The following RARG variants were observed in gnomAD, a reference collection of about 807,000 sequenced individuals.
RARG encodes the protein retinoic acid receptor gamma, also known as RAR-gamma.
In RARG, 17 loss-of-function variants were observed where a neutral mutation model predicts 43.7. That is an observed-to-expected ratio of 0.39 (90% confidence interval 0.27 to 0.58). The LOEUF is 0.58. Ranked by LOEUF, RARG falls within the 20% of genes least tolerant of loss-of-function variation. The probability of loss-of-function intolerance (pLI) is 0.57; values close to 1 mark genes in which losing one functional copy is unlikely to be tolerated. For missense variants in RARG, 346 were observed against 598.7 expected (o/e 0.58, Z 4.40); for synonymous variants, 238 against 236.4 (o/e 1.01, Z -0.06).
intron 2 of RARG, among the ~76,000 whole-genome samples, chr12:53,228,244 T>C (rs1441720989): frequency 6.6e-6 from 1 of 152,202 alleles, no homozygotes; most frequent in Non-Finnish European, 1.5e-5. Flanking sequence ...CTACCTGGAC[T>C]GTACCCCACC....
chr12:53,221,076 G>C (rs1942945786), intron 3 of RARG, among the ~76,000 whole-genome samples: 1 of 151,898 alleles, frequency 6.6e-6, no homozygotes, highest in African/African-American at 2.4e-5. Context: ...ACCCCCCTCG[G>C]GGCGGGTGGC....
Position 53,213,026 on chromosome 12 carries a change from C to A in RARG, c.1177+59G>T. ...TCTTGTCTCTGTGTGTCCTCCTGTC[C>A]GACCTGGGAGACCAACAGCCCTGGG... On this transcript the variant is annotated intron_variant, in intron 9 of 9. Coordinates refer to ENST00000425354, the MANE Select transcript of RARG (RefSeq NM_000966.6). The surrounding 1 kb of genome is among the most constrained non-coding windows in gnomAD (Gnocchi z 4.7). 6.5e-7 allele frequency: 1 copy of A among 1,527,806 alleles called. No individual in the cohort carries two copies. The allele number at this position is 1,527,806 out of a possible 1,614,324, so 94.6% of individuals were successfully genotyped here.
chr12:53,215,670 C>T lies in RARG; in HGVS notation c.309G>A (p.Gly103=), dbSNP rs758031463. The change falls in exon 4 of 10, where the codon GGG becomes GGA. Residue 103 remains glycine (G), a synonymous_variant. Coordinates refer to ENST00000425354, the MANE Select transcript of RARG (RefSeq NM_000966.6). The surrounding 1 kb of genome is among the most constrained non-coding windows in gnomAD (Gnocchi z 6.4). ...CCTTGCAGCCTTCACAAGAGCTGAC[C>T]CCATAGTGGTAGCCAGAGGACTTGT... ...CNDKSSGYHY[G]VSSCEGCKGF... is the part of the protein sequence containing the mutation. The T allele has an allele frequency of 6.2e-7, 1 of 1,613,596 alleles. No individual in the cohort carries two copies. Among genetic ancestry groups the T allele is most frequent in the Non-Finnish European group, 8.5e-7 (1 of 1,179,858 alleles).
In RARG at chr12:53,213,150, C is replaced by G; in HGVS notation, c.1112G>C (p.Ser371Thr). ...CATCCTTGGGAACATGTAGGGCTGG[C>G]TGGGCCGCCGGCGCCGGGCGTACAG... ...LRLYARRRRP[S>T]QPYMFPRMLM... is the part of the protein sequence containing the mutation. Residue 371 changes from serine (S) to threonine (T), a missense_variant, in exon 9 of 10, where the codon AGC (serine) becomes ACC (threonine). By Grantham distance (58) the Ser-to-Thr change is moderately conservative. Coordinates refer to ENST00000425354, the MANE Select transcript of RARG (RefSeq NM_000966.6). The surrounding 1 kb of genome is among the most constrained non-coding windows in gnomAD (Gnocchi z 4.7). The G allele has an allele frequency of 1.2e-6, 2 of 1,614,172 alleles. No homozygotes were observed. Among genetic ancestry groups the G allele is most frequent in the Non-Finnish European group, 1.7e-6 (2 of 1,180,000 alleles).
At position 53,214,419 on chromosome 12, in the gene RARG, C is replaced by T. The variant is rs1942699168; in HGVS notation, c.636+27G>A. 7 of 1,601,498 alleles carry T rather than the reference C, an allele frequency of 4.4e-6. No homozygotes were observed. In the Admixed American group the frequency reaches 6.7e-5, roughly 15 times the overall value. On this transcript the variant is annotated intron_variant, in intron 6 of 9. Transcript: ENST00000425354. ...TTCCCCAAAGTGAAGAGTGCCCTGC[C>T]CTCACTGGGCTCTGCCCATTCCTCA...
chr12:53,212,963 G>T, intron 9 of RARG, 122 bp downstream of exon 9: 1 of 1,218,670 alleles, frequency 8.2e-7, no homozygotes, highest in Non-Finnish European at 1.1e-6. Context: ...GCAGAGCTAG[G>T]ATTCCAGTGT....
chr12:53,226,802 G>T (rs542633164), intron 3 of RARG, among the ~76,000 whole-genome samples: 28 of 151,372 alleles, frequency 1.8e-4, no homozygotes, highest in African/African-American at 6.8e-4. Context: ...AACAGAGGGG[G>T]AGTTTCACCA....
chr12:53,222,233 G>GAGAAATAAAGAAAA (rs1555181725), intron 3 of RARG, among the ~76,000 whole-genome samples: 1 of 149,686 alleles, frequency 6.7e-6, no homozygotes, highest in Non-Finnish European at 1.5e-5. Flanking sequence ...AAGAAAGAGA[G>GAGAAATAAAGAAAA]AGAAAGAAAA....
chr12:53,214,245 G>A lies in RARG; in HGVS notation c.637-10C>T, dbSNP rs1158397700. Reference sequence around the variant, plus strand: ...GGTCTGCACTGGAGTTCTGCAGAGGGGAGGGGTAGAAGGTTGGAAGGCAAG... The same window carrying A: ...GGTCTGCACTGGAGTTCTGCAGAGGAGAGGGGTAGAAGGTTGGAAGGCAAG... On this transcript the variant is annotated splice_polypyrimidine_tract_variant and intron_variant, in intron 6 of 9. Coordinates refer to ENST00000425354, the MANE Select transcript of RARG (RefSeq NM_000966.6). 3 of 1,610,542 alleles carry A rather than the reference G, an allele frequency of 1.9e-6. No homozygotes were observed. The highest frequency in any genetic ancestry group is 1.1e-5 in the South Asian group (1 of 90,996).
chr12:53,228,493 C>A (rs1460124986), intron 2 of RARG, among the ~76,000 whole-genome samples: 1 of 152,142 alleles, frequency 6.6e-6, no homozygotes, highest in East Asian at 1.9e-4. Context: ...GTAAGCACTT[C>A]CCTCTCTGTT....
intron 3 of RARG, chr12:53,220,538 T>C: frequency 3.4e-6 from 1 of 297,168 alleles, no homozygotes; most frequent in Admixed American, 5.0e-5. Context: ...TGCATTTATC[T>C]TATCAGGCAC....
rs1233285796 is a variant in RARG, at chr12:53,214,613, G to A, written c.476-7C>T. ...TTCCGGTCATTTCGCACAGCTTGTG[G>A]GTGGAGGCGCAAGGAGAGGGTCAGG... On this transcript the variant is annotated splice_region_variant and splice_polypyrimidine_tract_variant and intron_variant, in intron 5 of 9. Coordinates refer to ENST00000425354, the MANE Select transcript of RARG (RefSeq NM_000966.6). The A allele has an allele frequency of 6.3e-7, 1 of 1,595,698 alleles. No homozygotes were observed. The highest frequency in any genetic ancestry group is 8.6e-7 in the Non-Finnish European group (1 of 1,165,358).
chr12:53,221,170 C>T lies in RARG; in HGVS notation c.185-5376G>A, dbSNP rs184985712. Among the ~76,000 whole-genome samples, 17 of 151,240 alleles carry T rather than the reference C, an allele frequency of 1.1e-4. No individual in the cohort carries two copies. The East Asian group carries it at 2.9e-3, about 26-fold the overall frequency. ...GCGCTGCCGCGGAGTCCCCCCGCCC[C>T]CTCCAGCGCAGCCAGAGTCTACCCC... On this transcript the variant is annotated intron_variant, in intron 3 of 9. Coordinates refer to ENST00000425354, the MANE Select transcript of RARG (RefSeq NM_000966.6).
chr12:53,227,782 G>T lies in RARG; in HGVS notation c.-142-95C>A. 1 of 941,550 alleles carries T rather than the reference G, an allele frequency of 1.1e-6. No individual in the cohort carries two copies. Among genetic ancestry groups the T allele is most frequent in the Non-Finnish European group, 1.4e-6 (1 of 715,976 alleles). 58.3% of individuals were successfully genotyped at this position (941,550 alleles called of 1,614,324 possible). On this transcript the variant is annotated intron_variant, in intron 2 of 9. Transcript: ENST00000425354. This position sits in a 1 kb window ranked among gnomAD's most constrained non-coding sequence, Gnocchi z 4.3. ...CTCTCAGTTGCAGTCTTCTCCCTCT[G>T]TGCTGCTACAGTTTATCCTGCCCTG... is the stretch of plus-strand genomic sequence containing the variant.
In RARG at chr12:53,215,338, A is replaced by G. The variant is rs763146108; in HGVS notation, c.430T>C (p.Tyr144His). 1.9e-6 allele frequency: 3 copies of G among 1,614,106 alleles called. No individual in the cohort carries two copies. Among genetic ancestry groups the G allele is most frequent in the Non-Finnish European group, 2.5e-6 (3 of 1,180,004 alleles). ...TCGAAGCACTTCTGTAGCCGGCAGTACTGGCAGCGATTCCTGGTCACCTTG... is the reference window on the plus strand; with the variant it reads ...TCGAAGCACTTCTGTAGCCGGCAGTGCTGGCAGCGATTCCTGGTCACCTTG... ...INKVTRNRCQ[Y>H]CRLQKCFEVG... The change falls in exon 5 of 10, where the codon TAC (tyrosine) becomes CAC (histidine). Residue 144 changes from tyrosine to histidine, a missense_variant. Physicochemically the swap from Tyr to His is moderately conservative, Grantham distance 83 (BLOSUM62 2). This residue lies in a region of RARG where 50 missense variants were observed against 117.7 expected (regional missense o/e 0.42). Coordinates refer to ENST00000425354, the MANE Select transcript of RARG (RefSeq NM_000966.6). This position sits in a 1 kb window ranked among gnomAD's most constrained non-coding sequence, Gnocchi z 6.4.
chr12:53,222,262 A>G (rs1308629049), intron 3 of RARG, among the ~76,000 whole-genome samples: 2 of 149,876 alleles, frequency 1.3e-5, no homozygotes, highest in East Asian at 3.9e-4. Flanking sequence ...AAGAAAGAAG[A>G]AAGAAAAAGG....
Position 53,213,810 on chromosome 12 carries a change from G to T in RARG, c.814-110C>A. ...TCCCCAGTGAGTGCAACCTGAAGCAGGCATGGAGAAGGCAGAGGTGGAGGA... is the reference window on the plus strand; with the variant it reads ...TCCCCAGTGAGTGCAACCTGAAGCATGCATGGAGAAGGCAGAGGTGGAGGA... On this transcript the variant is annotated intron_variant, in intron 7 of 9. Coordinates refer to ENST00000425354, the MANE Select transcript of RARG (RefSeq NM_000966.6). This position sits in a 1 kb window ranked among gnomAD's most constrained non-coding sequence, Gnocchi z 4.7. 1 of 1,252,548 alleles carries T rather than the reference G, an allele frequency of 8.0e-7. No individual in the cohort carries two copies. The highest frequency in any genetic ancestry group is 1.1e-6 in the Non-Finnish European group (1 of 884,374). 77.6% of individuals were successfully genotyped at this position (1,252,548 alleles called of 1,614,324 possible). A position where few individuals can be genotyped will look rare whatever the true frequency, so the allele number is the denominator to read the frequency against.
Position 53,213,337 on chromosome 12 carries a change from C to T in RARG, c.1019-94G>A. On this transcript the variant is annotated intron_variant, in intron 8 of 9. Transcript: ENST00000425354. This position sits in a 1 kb window ranked among gnomAD's most constrained non-coding sequence, Gnocchi z 4.7. Reference sequence around the variant, plus strand: ...GATCACCAACCGGCGTTTTGGGAAGCCTGTACAGGGTTTCAGAACTCTCTG... The same window carrying T: ...GATCACCAACCGGCGTTTTGGGAAGTCTGTACAGGGTTTCAGAACTCTCTG... 6.7e-7 allele frequency: 1 copy of T among 1,488,554 alleles called. No individual in the cohort carries two copies. 92.2% of individuals were successfully genotyped at this position (1,488,554 alleles called of 1,614,324 possible). A position where few individuals can be genotyped will look rare whatever the true frequency, so the allele number is the denominator to read the frequency against.
At chr12:53,219,097 T>TA (rs1299312010) in intron 3 of RARG, among the ~76,000 whole-genome samples, 1 of 151,952 alleles carries the variant, frequency 6.6e-6, no homozygotes, top group African/African-American at 2.4e-5. Context: ...AGGGGGAAGA[T>TA]AGATATTTGG....
Sources: gnomAD v4.1 joint callset for allele counts (sites outside exome capture counted in the v4.1 genomes callset) on GRCh38, gnomAD v4.1.1 for gene constraint, gnomAD v4.1.1 regional missense constraint, Gnocchi (gnomAD v3.1) non-coding constraint, MANE v1.5 for transcripts, NCBI Gene and HGNC (gene_info 2026-07-23, HGNC 2026-07-21) for gene names.